The following RYR2 variants were observed in gnomAD, a reference collection of about 807,000 sequenced individuals.
RYR2 encodes the protein cardiac muscle ryanodine receptor-calcium release channel.
A neutral mutation model predicts 601.1 loss-of-function variants in RYR2; 227 were observed. That is an observed-to-expected ratio of 0.38 (90% CI 0.34 to 0.42). The LOEUF (loss-of-function observed/expected upper bound fraction) is 0.42. Ranked by LOEUF, RYR2 falls within the 10% of genes least tolerant of loss-of-function variation. The pLI is 1.00. For missense variants in RYR2, 4,646 were observed against 6,156.5 expected, an observed-to-expected ratio of 0.75 and a Z score of 8.21; for synonymous variants, 2,223 against 2,175.1, an observed-to-expected ratio of 1.02 and a Z score of -0.61.
intron 68 of RYR2, among the ~76,000 whole-genome samples, chr1:237,708,350 T>C (rs1181935462): frequency 6.6e-6 from 1 of 152,180 alleles, no homozygotes; most frequent in Non-Finnish European, 1.5e-5. Flanking sequence ...AAAGTCATTT[T>C]AAAAATGGCC....
intron 6 of RYR2, among the ~76,000 whole-genome samples, chr1:237,372,721 A>T (rs535157670): frequency 6.6e-6 from 1 of 152,360 alleles, no homozygotes; most frequent in Non-Finnish European, 1.5e-5. Context: ...TAGTTGGGTT[A>T]AGAGCCTCAA....
intron 10 of RYR2, among the ~76,000 whole-genome samples, chr1:237,415,032 G>C (rs1704824130): frequency 6.6e-6 from 1 of 152,180 alleles, no homozygotes; most frequent in Middle Eastern, 3.4e-3. Flanking sequence ...GCTGGTGGGA[G>C]GCTACTGGTG....
chr1:237,316,392 T>C (rs1233809758), intron 2 of RYR2, among the ~76,000 whole-genome samples: 6 of 152,194 alleles, frequency 3.9e-5, no homozygotes, highest in Admixed American at 3.3e-4. Context: ...AACTCAATCC[T>C]TTATAGCACT....
At chr1:237,370,530 T>G (rs1344086902) in intron 6 of RYR2, among the ~76,000 whole-genome samples, 1 of 152,152 alleles carries the variant, frequency 6.6e-6, no homozygotes, top group East Asian at 1.9e-4. Context: ...GAGGAGGAAC[T>G]GGTTTTGCTG....
At chr1:237,782,212 G>A (rs1392683986) in intron 89 of RYR2, among the ~76,000 whole-genome samples, 1 of 143,160 alleles carries the variant, frequency 7.0e-6, no homozygotes, top group Non-Finnish European at 1.5e-5. Context: ...TAGCAGGCAG[G>A]AAATGTAGCA....
chr1:237,765,020 G>A (rs2253244), intron 84 of RYR2, among the ~76,000 whole-genome samples: 109,381 of 150,996 alleles, frequency 0.72, 40,392 homozygotes, highest in African/African-American at 0.85. Context: ...TCTCATTTCT[G>A]TGAAAGCCTG....
At chr1:237,762,196 A>T (rs1326140400) in intron 84 of RYR2, among the ~76,000 whole-genome samples, 1 of 152,150 alleles carries the variant, frequency 6.6e-6, no homozygotes, top group Non-Finnish European at 1.5e-5. Flanking sequence ...CACTGACACC[A>T]TTCTATAACT....
intron 1 of RYR2, among the ~76,000 whole-genome samples, chr1:237,125,661 G>T (rs1671329581): frequency 6.6e-6 from 1 of 152,090 alleles, no homozygotes; most frequent in South Asian, 2.1e-4. Flanking sequence ...TAAACTGAAT[G>T]AAAAAATCAG....
intron 35 of RYR2, among the ~76,000 whole-genome samples, chr1:237,603,247 C>T (rs899496830): frequency 3.3e-5 from 5 of 152,186 alleles, no homozygotes; most frequent in South Asian, 4.1e-4. Flanking sequence ...GTGGAATCCG[C>T]GGGGAAAGAA....
At chr1:237,521,604 C>T (rs540316188) in intron 24 of RYR2, among the ~76,000 whole-genome samples, 298 of 151,974 alleles carry the variant, frequency 2.0e-3, no homozygotes, top group Non-Finnish European at 3.2e-3. Flanking sequence ...CCTGTAATCC[C>T]AGCTGCTCGG....
At chr1:237,742,158 TTCTA>T in intron 79 of RYR2, 134 bp from the exon 80 acceptor site, 1 of 638,574 alleles carries the variant, frequency 1.6e-6, no homozygotes, top group Non-Finnish European at 2.7e-6. Context: ...CATCTAAGCA[TTCTA>T]TCTTACATGT....
chr1:237,419,333 G>T (rs1470765177), intron 11 of RYR2, among the ~76,000 whole-genome samples: 2 of 151,670 alleles, frequency 1.3e-5, no homozygotes, highest in Non-Finnish European at 2.9e-5. Flanking sequence ...CTGAAAACCT[G>T]ATAGGACTTT....
intron 36 of RYR2, 79 bp downstream of exon 36, chr1:237,611,067 C>G: frequency 8.1e-7 from 1 of 1,234,718 alleles, no homozygotes; most frequent in Admixed American, 2.0e-5. Context: ...GGTAGTGGTG[C>G]GGGGCAGGGG....
In RYR2 at chr1:237,042,458, GGCCGCC is replaced by G. The variant is rs794728699; in HGVS notation, c.-53_-48del. ...AGCAGAAGCAGAAGGCAGCGCCAGG[GGCCGCC>G]GCCGCCGCCGAGCTCCGCGGGGCTC... is the stretch of plus-strand genomic sequence containing the variant. On this transcript the variant is annotated 5_prime_UTR_variant, in exon 1 of 105. Coordinates refer to ENST00000366574, the MANE Select transcript of RYR2 (RefSeq NM_001035.3). 28 of 1,228,100 alleles carry G rather than the reference GGCCGCC, an allele frequency of 2.3e-5. No homozygotes were observed. The African/African-American group carries it at 3.1e-4, about 14-fold the overall frequency. The allele number at this position is 1,228,100 out of a possible 1,614,324, so 76.1% of individuals were successfully genotyped here. A position where few individuals can be genotyped will look rare whatever the true frequency, so the allele number is the denominator to read the frequency against.
intron 12 of RYR2, among the ~76,000 whole-genome samples, chr1:237,440,999 G>A (rs1707847904): frequency 1.3e-5 from 2 of 149,754 alleles, no homozygotes; most frequent in African/African-American, 2.5e-5. Context: ...CACTAATAAT[G>A]AAAAAAAAAA....
intron 12 of RYR2, among the ~76,000 whole-genome samples, chr1:237,431,824 A>G (rs1339085404): frequency 6.6e-6 from 1 of 152,118 alleles, no homozygotes; most frequent in Non-Finnish European, 1.5e-5. Flanking sequence ...TAGTGAGTGA[A>G]TGCACCTGGC....
intron 98 of RYR2, among the ~76,000 whole-genome samples, chr1:237,804,273 A>T (rs566573028): frequency 6.6e-6 from 1 of 151,720 alleles, no homozygotes; most frequent in African/African-American, 2.4e-5. Flanking sequence ...CACCACTCAA[A>T]CCAAATTTTC....
intron 29 of RYR2, among the ~76,000 whole-genome samples, chr1:237,582,742 T>A: frequency 7.3e-6 from 1 of 136,550 alleles, no homozygotes; most frequent in Admixed American, 7.1e-5. Flanking sequence ...GCAGAGGACA[T>A]GATTTCATTT....
At chr1:237,406,117 T>C (rs936374066) in intron 10 of RYR2, among the ~76,000 whole-genome samples, 3 of 137,452 alleles carry the variant, frequency 2.2e-5, no homozygotes, top group Non-Finnish European at 3.2e-5. Flanking sequence ...TGCAGAGCTC[T>C]TCTTGACAAT....
Sources: gnomAD v4.1 joint callset for allele counts (sites outside exome capture counted in the v4.1 genomes callset) on GRCh38, gnomAD v4.1.1 for gene constraint, MANE v1.5 for transcripts, NCBI Gene and HGNC (gene_info 2026-07-23, HGNC 2026-07-21) for gene names.